Variants in CSRP3 observed in about 807,000 individuals in gnomAD.
CSRP3 encodes the protein cysteine and glycine rich protein 3, also known as cysteine and glycine-rich protein 3.
Under a neutral mutation model 24.3 loss-of-function variants are expected in CSRP3, and 24 were observed. The observed-to-expected ratio is 0.99, with a 90% confidence interval of 0.71 to 1.39. CSRP3 has a LOEUF of 1.39. CSRP3 is among the 40% of genes most tolerant of loss of function. The pLI is 0.00. For synonymous variants in CSRP3, 105 were observed against 94.0 expected, an observed-to-expected ratio of 1.12 and a Z score of -0.68; for missense variants, 240 against 249.0, an observed-to-expected ratio of 0.96 and a Z score of 0.24.
intron 1 of CSRP3, among the ~76,000 whole-genome samples, chr11:19,196,206 T>G (rs1188011934): frequency 2.0e-5 from 3 of 152,166 alleles, no homozygotes; most frequent in Non-Finnish European, 4.4e-5. Context: ...GAAGTTGCAG[T>G]GAGCTGAGAT....
intron 3 of CSRP3, 37 bp downstream of exon 3, chr11:19,188,099 A>T: frequency 6.2e-7 from 1 of 1,612,510 alleles, no homozygotes. Context: ...ATAATTGGAG[A>T]CTTTAACAGG....
intron 1 of CSRP3, chr11:19,197,056 T>A (rs888086799): frequency 2.0e-5 from 3 of 152,182 alleles, no homozygotes; most frequent in African/African-American, 7.2e-5. Flanking sequence ...TCTAGTTCCA[T>A]TTTGCCTCTT....
intron 1 of CSRP3, chr11:19,196,915 T>G (rs1234729552): frequency 6.6e-6 from 1 of 152,220 alleles, no homozygotes; most frequent in African/African-American, 2.4e-5. Context: ...GATACTCAGA[T>G]CCCGGTGAGA....
Position 19,188,364 on chromosome 11 carries a change from C to T in CSRP3, c.113-60G>A. 4 of 1,579,102 alleles carry T rather than the reference C, an allele frequency of 2.5e-6. No homozygotes were observed. In the Admixed American group the frequency reaches 6.7e-5, roughly 26 times the overall value. On this transcript the variant is annotated intron_variant, in intron 2 of 5. Coordinates refer to ENST00000265968, the MANE Select transcript of CSRP3 (RefSeq NM_003476.5). Reference sequence around the variant, plus strand: ...TGAAATCCTTCTCCCCTTCTTTGCACTCCCAATGCCATGCTCGGGGCCAGA... The same window carrying T: ...TGAAATCCTTCTCCCCTTCTTTGCATTCCCAATGCCATGCTCGGGGCCAGA...
chr11:19,188,504 T>C (rs1401704571), intron 2 of CSRP3, among the ~76,000 whole-genome samples, 200 bp from the exon 3 acceptor site: 3 of 151,952 alleles, frequency 2.0e-5, no homozygotes, highest in Admixed American at 2.0e-4. Context: ...CAAAATTGGG[T>C]TCAGTGGTTC....
intron 1 of CSRP3, among the ~76,000 whole-genome samples, chr11:19,199,076 T>C (rs1850792105): frequency 1.3e-5 from 2 of 152,234 alleles, no homozygotes; most frequent in African/African-American, 4.8e-5. Flanking sequence ...GAATCAGCTT[T>C]GTTTTTCAGC....
chr11:19,201,369 C>T (rs1003273913), intron 1 of CSRP3, among the ~76,000 whole-genome samples: 6 of 152,230 alleles, frequency 3.9e-5, no homozygotes, highest in African/African-American at 1.4e-4. Flanking sequence ...CAGTCATTCA[C>T]CACGACCTTT....
intron 5 of CSRP3, among the ~76,000 whole-genome samples, chr11:19,183,882 G>A (rs944597944): frequency 1.3e-5 from 2 of 152,106 alleles, no homozygotes; most frequent in Non-Finnish European, 2.9e-5. Flanking sequence ...GAATCACTGG[G>A]CGTGCTGTTC....
rs758244951 is a variant in CSRP3, at chr11:19,186,376, C to T, written c.282-28G>A. On this transcript the variant is annotated intron_variant, in intron 3 of 5. Coordinates refer to ENST00000265968, the MANE Select transcript of CSRP3 (RefSeq NM_003476.5). ...GTTGGAAATAGACGAATGAATGAAA[C>T]GTAGATTTCCCTTGGCAAAGAGTAG... 2.7e-5 allele frequency: 43 copies of T among 1,613,962 alleles called. No individual in the cohort carries two copies. In the Middle Eastern group the frequency reaches 6.6e-4, roughly 25 times the overall value.
Position 19,192,344 on chromosome 11 carries a change from G to A in CSRP3, c.105C>T (p.Phe35=). ...GGTGTCCACCCAACTCACTGCAGTGGAAACACGTCTTGTGGAAACTCCTTC... is the reference window on the plus strand; with the variant it reads ...GGTGTCCACCCAACTCACTGCAGTGAAAACACGTCTTGTGGAAACTCCTTC... ...CNGRSFHKTC[F]HCMACRKALD... is the part of the protein sequence containing the mutation. Residue 35 remains phenylalanine (F), a synonymous_variant, in exon 2 of 6, where the codon TTC becomes TTT. Transcript: ENST00000265968. 1.2e-6 allele frequency: 2 copies of A among 1,613,738 alleles called. No homozygotes were observed. The highest frequency in any genetic ancestry group is 1.7e-6 in the Non-Finnish European group (2 of 1,179,660).
chr11:19,182,560 A>G lies in CSRP3; in HGVS notation c.*110T>C, dbSNP rs1171623950. 7 of 935,522 alleles carry G rather than the reference A, an allele frequency of 7.5e-6. No homozygotes were observed. The highest frequency in any genetic ancestry group is 2.1e-4 in the Middle Eastern group (1 of 4,786). 58.0% of individuals were successfully genotyped at this position (935,522 alleles called of 1,614,324 possible). On this transcript the variant is annotated 3_prime_UTR_variant, in exon 6 of 6. Transcript: ENST00000265968. ...CCTGATCACTTCTGAGGAGAAACAC[A>G]TAATGTACGACTACAAAGGAGAGGC...
intron 2 of CSRP3, among the ~76,000 whole-genome samples, chr11:19,188,646 GTGTGTT>G (rs1464681377): frequency 2.0e-5 from 3 of 150,236 alleles, no homozygotes; most frequent in African/African-American, 4.9e-5. Context: ...GTGTGTGTGT[GTGTGTT>G]TGTGGGCGCG....
intron 1 of CSRP3, among the ~76,000 whole-genome samples, chr11:19,194,273 GC>G (rs1473152925): frequency 6.6e-6 from 1 of 152,134 alleles, no homozygotes; most frequent in Non-Finnish European, 1.5e-5. Flanking sequence ...CCCCCAAAGA[GC>G]TTTTCCTGCT....
rs139734406 is a variant in CSRP3, at chr11:19,190,084, T to C, written c.113-1780A>G. Among the ~76,000 whole-genome samples the C allele has an allele frequency of 1.8e-4, 27 of 152,376 alleles. No individual in the cohort carries two copies. In the East Asian group the frequency reaches 4.4e-3, roughly 25 times the overall value. ...AGAATTAGTCCTCTGTAAACATTTA[T>C]TGAGTACATGAATGAATGAATGAAT... On this transcript the variant is annotated intron_variant, in intron 2 of 5. Coordinates refer to ENST00000265968, the MANE Select transcript of CSRP3 (RefSeq NM_003476.5).
At chr11:19,191,071 GA>G (rs1850605878) in intron 2 of CSRP3, among the ~76,000 whole-genome samples, 1 of 152,222 alleles carries the variant, frequency 6.6e-6, no homozygotes, top group African/African-American at 2.4e-5. Flanking sequence ...TCCATATCAA[GA>G]CCCCCCAGTT....
chr11:19,201,019 G>T (rs1175555708), intron 1 of CSRP3, among the ~76,000 whole-genome samples: 1 of 152,086 alleles, frequency 6.6e-6, no homozygotes, highest in Non-Finnish European at 1.5e-5. Context: ...CACCACCTTG[G>T]CTCAGGAACA....
chr11:19,201,724 T>C (rs1031841165), intron 1 of CSRP3, among the ~76,000 whole-genome samples: 2 of 152,244 alleles, frequency 1.3e-5, no homozygotes, highest in African/African-American at 4.8e-5. Context: ...TTTATCTGCC[T>C]ATGAGGTCCC....
Position 19,192,321 on chromosome 11 carries a change from T to C in CSRP3, c.112+16A>G, listed in dbSNP as rs777847267. ...TCCGGATGCTGAGGGGCCCCCAGGG[T>C]GTCCACCCAACTCACTGCAGTGGAA... On this transcript the variant is annotated intron_variant, in intron 2 of 5. Coordinates refer to ENST00000265968, the MANE Select transcript of CSRP3 (RefSeq NM_003476.5). 6.3e-7 allele frequency: 1 copy of C among 1,599,664 alleles called. No individual in the cohort carries two copies. The highest frequency in any genetic ancestry group is 8.6e-7 in the Non-Finnish European group (1 of 1,167,024).
At chr11:19,184,865 G>T in intron 5 of CSRP3, 87 bp downstream of exon 5, 1 of 1,015,576 alleles carries the variant, frequency 9.8e-7, no homozygotes, top group Non-Finnish European at 1.6e-6. Flanking sequence ...GAAGACACGG[G>T]AAGACCTCCA....
Sources: gnomAD v4.1 joint callset for allele counts (sites outside exome capture counted in the v4.1 genomes callset) on GRCh38, gnomAD v4.1.1 for gene constraint, MANE v1.5 for transcripts, NCBI Gene and HGNC (gene_info 2026-07-23, HGNC 2026-07-21) for gene names.